DYNC1I1: variants seen among roughly 807,000 people sequenced by gnomAD.
The protein encoded by DYNC1I1 is cytoplasmic dynein 1 intermediate chain 1.
In DYNC1I1, 43 loss-of-function variants were observed where a neutral mutation model predicts 86.6. The observed-to-expected ratio is 0.50, with a 90% CI of 0.39 to 0.64. The LOEUF (loss-of-function observed/expected upper bound fraction) is 0.64, where lower values mean the gene tolerates loss of function less well. DYNC1I1 is among the 30% of genes least tolerant of loss of function. The pLI, the probability that DYNC1I1 is intolerant of heterozygous loss-of-function variation, is 0.00. For missense variants in DYNC1I1, 604 were observed against 788.8 expected (o/e 0.77, Z 2.81); for synonymous variants, 262 against 283.7 (o/e 0.92, Z 0.77).
At chr7:95,943,325 A>G (rs573429769) in intron 6 of DYNC1I1, among the ~76,000 whole-genome samples, 11,755 of 147,148 alleles carry the variant, frequency 0.08, 889 homozygotes, top group African/African-American at 0.21. Flanking sequence ...AGGGACATGA[A>G]GGACCTCTTC....
intron 10 of DYNC1I1, among the ~76,000 whole-genome samples, chr7:95,997,779 A>G (rs1793907428): frequency 6.6e-6 from 1 of 152,194 alleles, no homozygotes; most frequent in Non-Finnish European, 1.5e-5. Context: ...TAGTCATACC[A>G]GAGTTACCAA....
At position 96,039,352 on chromosome 7, in the gene DYNC1I1, C is replaced by A. The variant is rs1048666; in HGVS notation, c.1440C>A (p.Gly480=). The A allele has an allele frequency of 0.21, 336,943 of 1,613,652 alleles. 36,881 individuals are homozygous for A. The highest frequency in any genetic ancestry group is 0.3 in the East Asian group (13,400 of 44,830). The change falls in exon 14 of 17, where the codon GGC becomes GGA. Residue 480 remains glycine (G), a synonymous_variant. Transcript: ENST00000447467. ...GAATTAACTGCCACATGGCAGTGGG[C>A]CCAATCGACTTTTCTCACCTGTTTG... The part of the protein sequence containing the change: ...VTGINCHMAV[G]PIDFSHLFVT...
chr7:96,013,108 C>T (rs1278721621), intron 10 of DYNC1I1, among the ~76,000 whole-genome samples: 3 of 151,838 alleles, frequency 2.0e-5, no homozygotes, highest in African/African-American at 7.3e-5. Flanking sequence ...TGGGTCGGCC[C>T]AGTGTAATCA....
chr7:95,811,840 T>G, intron 3 of DYNC1I1, among the ~76,000 whole-genome samples: 1 of 152,168 alleles, frequency 6.6e-6, no homozygotes, highest in East Asian at 1.9e-4. Flanking sequence ...ATCAATTATA[T>G]TTGTGCCTCA....
intron 6 of DYNC1I1, among the ~76,000 whole-genome samples, chr7:95,919,429 C>G (rs188848): frequency 0.67 from 101,930 of 152,020 alleles, 34,861 homozygotes; most frequent in African/African-American, 0.8. Flanking sequence ...GAGTTAATCA[C>G]GTTTGATGTT....
At chr7:95,825,638 A>C (rs899838980) in intron 4 of DYNC1I1, among the ~76,000 whole-genome samples, 1 of 152,212 alleles carries the variant, frequency 6.6e-6, no homozygotes, top group Non-Finnish European at 1.5e-5. Flanking sequence ...CTGGCTGCAC[A>C]TTAGAATCAC....
At chr7:95,977,436 C>T in intron 6 of DYNC1I1, 76 bp from the exon 7 acceptor site, 3 of 1,396,882 alleles carry the variant, frequency 2.1e-6, no homozygotes, top group Middle Eastern at 1.8e-4. Flanking sequence ...ACCCTTTACC[C>T]CTACCTCCCA....
At chr7:95,895,474 G>A (rs946609073) in intron 6 of DYNC1I1, among the ~76,000 whole-genome samples, 2 of 152,034 alleles carry the variant, frequency 1.3e-5, no homozygotes, top group African/African-American at 2.4e-5. Flanking sequence ...GTCAACTTCC[G>A]ATGGCTGGCC....
intron 5 of DYNC1I1, among the ~76,000 whole-genome samples, chr7:95,860,045 C>A (rs757907764): frequency 1.3e-5 from 2 of 152,134 alleles, no homozygotes; most frequent in Admixed American, 6.5e-5. Context: ...TATGATTGCT[C>A]CATTGTTTTC....
At chr7:95,839,597 A>G (rs1327773061) in intron 5 of DYNC1I1, among the ~76,000 whole-genome samples, 1 of 152,170 alleles carries the variant, frequency 6.6e-6, no homozygotes, top group East Asian at 1.9e-4. Context: ...AAAGCTGTTT[A>G]CCCACCACCT....
intron 14 of DYNC1I1, among the ~76,000 whole-genome samples, chr7:96,053,461 C>G (rs951431020): frequency 4.6e-5 from 7 of 151,998 alleles, no homozygotes; most frequent in Non-Finnish European, 8.8e-5. Flanking sequence ...ATTTGGGGGG[C>G]CAAATATATA....
chr7:95,962,693 A>G (rs1169295700), intron 6 of DYNC1I1, among the ~76,000 whole-genome samples: 1 of 152,212 alleles, frequency 6.6e-6, no homozygotes, highest in Middle Eastern at 3.2e-3. Flanking sequence ...TTTACAGGTA[A>G]TAAAGTAGAT....
In DYNC1I1 at chr7:96,076,045, T is replaced by C; in HGVS notation, c.1510-12T>C. On this transcript the variant is annotated splice_polypyrimidine_tract_variant and intron_variant, in intron 14 of 16. Transcript: ENST00000447467. ...AGCGCCACAAAGTCTTCACGGTCTC[T>C]CTGCTTTACAGCACAACAAGCCGCT... The C allele has an allele frequency of 6.2e-7, 1 of 1,612,062 alleles. No homozygotes were observed. Among genetic ancestry groups the C allele is most frequent in the Non-Finnish European group, 8.5e-7 (1 of 1,178,474 alleles).
chr7:96,085,601 C>A (rs562672056), intron 16 of DYNC1I1, among the ~76,000 whole-genome samples: 11 of 152,148 alleles, frequency 7.2e-5, no homozygotes, highest in African/African-American at 2.7e-4. Context: ...GTGCTGAACT[C>A]CCATTAGCAT....
At chr7:96,025,373 C>A in intron 10 of DYNC1I1, among the ~76,000 whole-genome samples, 1 of 151,332 alleles carries the variant, frequency 6.6e-6, no homozygotes, top group East Asian at 1.9e-4. Flanking sequence ...ATATGTTGAG[C>A]TTAAGATATA....
At chr7:95,929,814 C>G (rs1791844244) in intron 6 of DYNC1I1, among the ~76,000 whole-genome samples, 1 of 152,190 alleles carries the variant, frequency 6.6e-6, no homozygotes, top group South Asian at 2.1e-4. Context: ...GTTTCAGAAG[C>G]ATTCATGCTG....
intron 6 of DYNC1I1, among the ~76,000 whole-genome samples, chr7:95,951,498 A>G (rs1792552580): frequency 1.3e-5 from 2 of 152,134 alleles, no homozygotes; most frequent in South Asian, 4.1e-4. Context: ...GAAAGAAAGA[A>G]GGTAGTTTTC....
intron 14 of DYNC1I1, among the ~76,000 whole-genome samples, chr7:96,056,317 A>G (rs1477272618): frequency 6.6e-6 from 1 of 152,178 alleles, no homozygotes; most frequent in Non-Finnish European, 1.5e-5. Flanking sequence ...TGTGTGTGAC[A>G]TTCTTTCTTT....
intron 6 of DYNC1I1, among the ~76,000 whole-genome samples, chr7:95,878,524 A>T (rs2116211440): frequency 6.6e-6 from 1 of 152,328 alleles, no homozygotes; most frequent in African/African-American, 2.4e-5. Context: ...GATAGGGAGT[A>T]TGCAGTCTGA....
Sources: allele counts gnomAD v4.1 joint callset (sites outside exome capture counted in the v4.1 genomes callset), GRCh38; gene constraint gnomAD v4.1.1; transcripts MANE v1.5; gene names NCBI Gene and HGNC (gene_info 2026-07-23, HGNC 2026-07-21).